UGT1A8: variants seen among roughly 807,000 people sequenced by gnomAD.
UGT1A8 encodes the protein UDP glucuronosyltransferase family 1 member A8.
In UGT1A8, 39 loss-of-function variants were observed where a neutral mutation model predicts 45.3. The observed-to-expected ratio is 0.86, with a 90% CI of 0.67 to 1.12. The LOEUF is 1.12. Among genes scored for constraint, UGT1A8 ranks in the 50% most tolerant of loss-of-function variants. UGT1A8 has a pLI of 0.00. For missense variants in UGT1A8, 719 were observed against 664.9 expected, an observed-to-expected ratio of 1.08 and a Z score of -0.90; for synonymous variants, 275 against 249.2, an observed-to-expected ratio of 1.10 and a Z score of -0.97.
chr2:233,695,400 A>G (rs2075285150), intron 1 of UGT1A8, among the ~76,000 whole-genome samples: 1 of 149,876 alleles, frequency 6.7e-6, no homozygotes, highest in African/African-American at 2.5e-5. Context: ...CTGGGATTAC[A>G]GGCGTGAGCT....
intron 1 of UGT1A8, among the ~76,000 whole-genome samples, chr2:233,619,208 C>A (rs1406204420): frequency 6.6e-6 from 1 of 151,880 alleles, no homozygotes; most frequent in African/African-American, 2.4e-5. Context: ...TCTTCTTTAC[C>A]TTGCATTTTT....
chr2:233,702,376 T>C (rs574692648), intron 1 of UGT1A8, among the ~76,000 whole-genome samples: 5 of 152,300 alleles, frequency 3.3e-5, no homozygotes, highest in African/African-American at 1.2e-4. Flanking sequence ...TTCGTAGGAT[T>C]TTCTACATTC....
At chr2:233,756,158 TC>T (rs1469435732) in intron 1 of UGT1A8, 1 of 152,264 alleles carries the variant, frequency 6.6e-6, no homozygotes, top group Non-Finnish European at 1.5e-5. Flanking sequence ...CCCTAGGATT[TC>T]CTGGCTCATA....
intron 1 of UGT1A8, chr2:233,713,568 T>C: frequency 6.2e-7 from 1 of 1,613,984 alleles, no homozygotes; most frequent in South Asian, 1.1e-5. Context: ...CCCTTCCTCC[T>C]ATATTCCTAG....
chr2:233,760,567 A>G (rs1697488656), intron 1 of UGT1A8: 5 of 1,614,130 alleles, frequency 3.1e-6, no homozygotes, highest in African/African-American at 2.7e-5. Context: ...GTCTTTTGTT[A>G]GTCTCGGGCA....
intron 1 of UGT1A8, among the ~76,000 whole-genome samples, chr2:233,650,059 C>T (rs1302158746): frequency 6.6e-6 from 1 of 152,168 alleles, no homozygotes; most frequent in Non-Finnish European, 1.5e-5. Flanking sequence ...CAACCTCTGC[C>T]TCCTGGGTTC....
intron 1 of UGT1A8, among the ~76,000 whole-genome samples, chr2:233,749,553 T>C (rs1486611363): frequency 6.6e-6 from 1 of 151,880 alleles, no homozygotes; most frequent in Non-Finnish European, 1.5e-5. Context: ...AACAGGCTAA[T>C]GTATTCAATA....
intron 1 of UGT1A8, chr2:233,671,970 A>C: frequency 6.2e-7 from 1 of 1,613,766 alleles, no homozygotes. Flanking sequence ...CCCTTCCTCT[A>C]TGTGTGTGTC....
At chr2:233,691,396 C>T (rs2075041228) in intron 1 of UGT1A8, 1 of 985,598 alleles carries the variant, frequency 1.0e-6, no homozygotes. Context: ...TGGGGGCCAG[C>T]CCTGTCCTTG....
intron 1 of UGT1A8, chr2:233,690,736 T>C (rs1485807418): frequency 1.7e-6 from 2 of 1,207,170 alleles, no homozygotes; most frequent in Non-Finnish European, 2.1e-6. Flanking sequence ...GCCAGATTCC[T>C]CTGGCTAGTG....
intron 1 of UGT1A8, chr2:233,682,144 A>T: frequency 6.2e-7 from 1 of 1,614,192 alleles, no homozygotes; most frequent in Non-Finnish European, 8.5e-7. Context: ...TGGGAAGATC[A>T]CTGAATTGCA....
rs117456176 is a variant in UGT1A8 at position 233,727,764 on chromosome 2, G to C, written c.856-39270G>C. On this transcript the variant is annotated intron_variant, in intron 1 of 4. Transcript: ENST00000373450. Reference sequence around the variant, plus strand: ...CCTGCGTGTGCTGCCCTTGAGCTGGGTGTCCCCCAGTAGACGCTTCCATTC... The same window carrying C: ...CCTGCGTGTGCTGCCCTTGAGCTGGCTGTCCCCCAGTAGACGCTTCCATTC... 6.8e-4 allele frequency among the ~76,000 whole-genome samples: 104 copies of C among 152,302 alleles called. No individual in the cohort carries two copies. The East Asian group carries it at 0.02, about 29-fold the overall frequency.
At chr2:233,742,731 A>G (rs1692080362) in intron 1 of UGT1A8, 1 of 152,930 alleles carries the variant, frequency 6.5e-6, no homozygotes, top group Non-Finnish European at 1.5e-5. Context: ...TATGGGATTC[A>G]AATGTCTGAC....
intron 1 of UGT1A8, among the ~76,000 whole-genome samples, chr2:233,645,337 A>G (rs759041120): frequency 5.3e-5 from 8 of 152,188 alleles, no homozygotes; most frequent in Non-Finnish European, 1.0e-4. Flanking sequence ...GCCAAACCAT[A>G]TGATTCCACC....
At chr2:233,677,205 G>A (rs1215471855) in intron 1 of UGT1A8, among the ~76,000 whole-genome samples, 12 of 152,124 alleles carry the variant, frequency 7.9e-5, no homozygotes. Context: ...TCCGTCATCA[G>A]TGCTCTGTAG....
chr2:233,773,279 T>G lies in UGT1A8; in HGVS notation c.*720T>G, dbSNP rs1468042895. 1 of 152,208 alleles carries G rather than the reference T, an allele frequency of 6.6e-6. No homozygotes were observed. Among genetic ancestry groups the G allele is most frequent in the African/African-American group, 2.4e-5 (1 of 41,464 alleles). 9.4% of individuals were successfully genotyped at this position (152,208 alleles called of 1,614,324 possible). On this transcript the variant is annotated 3_prime_UTR_variant, in exon 5 of 5. Transcript: ENST00000373450. ...ATGTTTCCTACAACTAAAAATAAATTAATAAATTTATATAAATTCTATTTA... is the reference window on the plus strand; with the variant it reads ...ATGTTTCCTACAACTAAAAATAAATGAATAAATTTATATAAATTCTATTTA...
chr2:233,751,853 G>A (rs1265924436), intron 1 of UGT1A8, among the ~76,000 whole-genome samples: 1 of 152,032 alleles, frequency 6.6e-6, no homozygotes, highest in Admixed American at 6.5e-5. Context: ...TTAAACCTTT[G>A]TCTTTTATAA....
At chr2:233,663,062 A>G (rs1296161842) in intron 1 of UGT1A8, among the ~76,000 whole-genome samples, 1 of 152,138 alleles carries the variant, frequency 6.6e-6, no homozygotes, top group African/African-American at 2.4e-5. Context: ...TGTGCAACCA[A>G]CACCACCATT....
intron 1 of UGT1A8, among the ~76,000 whole-genome samples, chr2:233,623,647 C>G (rs753635233): frequency 2.0e-5 from 3 of 151,964 alleles, no homozygotes; most frequent in Non-Finnish European, 4.4e-5. Context: ...ATCTCATTTC[C>G]AGTTCATAAT....
Sources: gnomAD v4.1 joint callset for allele counts (sites outside exome capture counted in the v4.1 genomes callset) on GRCh38, gnomAD v4.1.1 for gene constraint, MANE v1.5 for transcripts, NCBI Gene and HGNC (gene_info 2026-07-23, HGNC 2026-07-21) for gene names.